SMC5: variants seen among roughly 807,000 people sequenced by gnomAD.
The protein encoded by SMC5 is structural maintenance of chromosomes protein 5.
In SMC5, 88 loss-of-function variants were observed where a neutral mutation model predicts 148.3. The ratio of observed to expected loss-of-function variants is 0.59; its 90% CI spans 0.50 to 0.71. SMC5 has a LOEUF of 0.71. Ranked by LOEUF, SMC5 falls within the 30% of genes least tolerant of loss-of-function variation. The probability of loss-of-function intolerance (pLI) is 0.00; values close to 1 mark genes in which losing one functional copy is unlikely to be tolerated. For synonymous variants in SMC5, 421 were observed against 432.8 expected (o/e 0.97, Z 0.34); for missense variants, 1,142 against 1,298.9 (o/e 0.88, Z 1.86).
chr9:70,315,481 T>C lies in SMC5; in HGVS notation c.1709T>C (p.Phe570Ser). 1 of 1,595,066 alleles carries C rather than the reference T, an allele frequency of 6.3e-7. No individual in the cohort carries two copies. The change falls in exon 13 of 25, where the codon TTT becomes TCT. Residue 570 changes from phenylalanine (F) to serine (S), a missense_variant. This residue lies in a region of SMC5 where 743 missense variants were observed against 835.7 expected (regional missense o/e 0.89). Transcript: ENST00000361138. ...YGFFSYLREL[F>S]DAPDPVMSYL... ...TTTTTCTCTTATTTGAGAGAATTAT[T>C]TGATGCACCTGATCCTGTAATGAGT...
chr9:70,323,701 G>T, intron 16 of SMC5, 95 bp downstream of exon 16: 1 of 1,341,736 alleles, frequency 7.5e-7, no homozygotes, highest in East Asian at 2.4e-5. Flanking sequence ...TTTGATTAAG[G>T]TTTTTGACAT....
At position 70,259,129 on chromosome 9, in the gene SMC5, G is replaced by T. The variant is rs2034009283; in HGVS notation, c.51G>T (p.Lys17Asn). 1 of 1,612,688 alleles carries T rather than the reference G, an allele frequency of 6.2e-7. No homozygotes were observed. The change falls in exon 1 of 25, where the codon AAG becomes AAT. Residue 17 changes from lysine to asparagine, a missense_variant. Transcript: ENST00000361138. ...KTSTPSPQPSKRALPRDPSSE... is the reference protein window; with the variant it reads ...KTSTPSPQPSNRALPRDPSSE... Reference sequence around the variant, plus strand: ...CAACTCCAAGCCCCCAGCCTTCCAAGAGAGCTCTCCCGAGAGACCCTTCGT... The same window carrying T: ...CAACTCCAAGCCCCCAGCCTTCCAATAGAGCTCTCCCGAGAGACCCTTCGT...
chr9:70,270,135 G>A (rs1244482347), intron 3 of SMC5, among the ~76,000 whole-genome samples: 1 of 152,136 alleles, frequency 6.6e-6, no homozygotes, highest in East Asian at 1.9e-4. Flanking sequence ...GTCTTAGGTT[G>A]TGCCCTGTAC....
Position 70,347,662 on chromosome 9 carries a change from A to G in SMC5, c.2714A>G (p.Glu905Gly), listed in dbSNP as rs1455874239. ...KREEEIEQLT[E>G]ELKGKKVELD... The stretch of plus-strand genomic sequence containing the variant: ...GAAGAAGAAATAGAACAGTTAACTG[A>G]GGAACTAAAGGGAAAGAAAGTTGAA... The change falls in exon 21 of 25, where the codon GAG becomes GGG. Residue 905 changes from glutamate (E) to glycine (G), a missense_variant. Around this residue, in one of 5 missense-constraint regions of SMC5, gnomAD observed 743 missense variants for 835.7 expected, o/e 0.89. Transcript: ENST00000361138. The G allele has an allele frequency of 2.5e-6, 4 of 1,587,314 alleles. No individual in the cohort carries two copies. Among genetic ancestry groups the G allele is most frequent in the East Asian group, 4.5e-5 (2 of 44,242 alleles).
In SMC5 at chr9:70,295,182, C is replaced by G. The variant is rs1050655518; in HGVS notation, c.1054-2784C>G. Among the ~76,000 whole-genome samples, 6 of 151,870 alleles carry G rather than the reference C, an allele frequency of 4.0e-5. No individual in the cohort carries two copies. The South Asian group carries it at 1.0e-3, about 26-fold the overall frequency. Reference sequence around the variant, plus strand: ...CATTAGAACAAGAAGAGGGAACATTCAGGCGGGGCGCGGTGGCTCACACCT... The same window carrying G: ...CATTAGAACAAGAAGAGGGAACATTGAGGCGGGGCGCGGTGGCTCACACCT... On this transcript the variant is annotated intron_variant, in intron 8 of 24. Transcript: ENST00000361138.
In SMC5 at chr9:70,286,225, A is replaced by G. The variant is rs200623827; in HGVS notation, c.1007A>G (p.Gln336Arg). 4.3e-4 allele frequency: 683 copies of G among 1,583,222 alleles called. 4 individuals are homozygous for G. The highest frequency in any genetic ancestry group is 3.9e-5 in the Non-Finnish European group (45 of 1,164,550). ...GCAACAGATATTAAGGAGGCATCTC[A>G]AAAATGCAAACAGAAGCAAGATGTT... The part of the protein sequence containing the change: ...EKATDIKEAS[Q>R]KCKQKQDVIE... Residue 336 changes from glutamine (Q) to arginine (R), a missense_variant, in exon 8 of 25, where the codon CAA becomes CGA. Around this residue, in one of 5 missense-constraint regions of SMC5, gnomAD observed 743 missense variants for 835.7 expected, o/e 0.89. Transcript: ENST00000361138.
rs776196254 is a variant in SMC5 at position 70,278,593 on chromosome 9, A to G, written c.646A>G (p.Lys216Glu). 6.2e-7 allele frequency: 1 copy of G among 1,610,276 alleles called. No individual in the cohort carries two copies. Among genetic ancestry groups the G allele is most frequent in the Non-Finnish European group, 8.5e-7 (1 of 1,178,740 alleles). ...AATGCACAAATATCACTGTGAACTC[A>G]AAAACTTAAGGGAGAAAGAAAAACA... ...PEMHKYHCEL[K>E]NLREKEKQLE... Residue 216 changes from lysine (K) to glutamate (E), a missense_variant, in exon 5 of 25, where the codon AAA becomes GAA. Around this residue, in one of 5 missense-constraint regions of SMC5, gnomAD observed 297 missense variants for 302.6 expected, o/e 0.98. Coordinates refer to ENST00000361138, the MANE Select transcript of SMC5 (RefSeq NM_015110.4).
At chr9:70,280,690 A>T in intron 5 of SMC5, 69 bp from the exon 6 acceptor site, 1 of 1,446,536 alleles carries the variant, frequency 6.9e-7, no homozygotes, top group Non-Finnish European at 9.4e-7. Context: ...TTTATTTTTC[A>T]TTGTTAAAAG....
intron 17 of SMC5, among the ~76,000 whole-genome samples, chr9:70,327,802 G>C (rs575780655): frequency 6.6e-6 from 1 of 152,168 alleles, no homozygotes; most frequent in African/African-American, 2.4e-5. Context: ...TGTGGAATAG[G>C]GTATCTCTTC....
intron 3 of SMC5, among the ~76,000 whole-genome samples, chr9:70,275,234 T>C (rs991772249): frequency 4.6e-5 from 7 of 152,076 alleles, no homozygotes; most frequent in African/African-American, 1.2e-4. Context: ...TGTTGTTTTG[T>C]TTTTGTTTTT....
intron 17 of SMC5, among the ~76,000 whole-genome samples, chr9:70,339,955 T>C (rs1004697296): frequency 6.6e-6 from 1 of 151,884 alleles, no homozygotes; most frequent in Non-Finnish European, 1.5e-5. Flanking sequence ...TTTCTTGTTA[T>C]TTCGTTTTTG....
At chr9:70,297,579 A>T (rs2035235558) in intron 8 of SMC5, among the ~76,000 whole-genome samples, 2 of 152,136 alleles carry the variant, frequency 1.3e-5, no homozygotes, top group African/African-American at 4.8e-5. Flanking sequence ...CTTTATTATC[A>T]TTTTTATTAT....
intron 11 of SMC5, among the ~76,000 whole-genome samples, chr9:70,313,115 G>T (rs2035702021): frequency 6.6e-6 from 1 of 151,848 alleles, no homozygotes; most frequent in African/African-American, 2.4e-5. Flanking sequence ...TTTAAATTTG[G>T]CAAATTGTGT....
intron 13 of SMC5, among the ~76,000 whole-genome samples, chr9:70,316,419 T>C (rs1479714648): frequency 1.3e-5 from 2 of 151,572 alleles, no homozygotes; most frequent in Non-Finnish European, 2.9e-5. Context: ...AAATGAGAGC[T>C]CATTACCAAC....
intron 10 of SMC5, among the ~76,000 whole-genome samples, chr9:70,301,283 C>T (rs375485718): frequency 6.6e-6 from 1 of 152,146 alleles, no homozygotes; most frequent in Non-Finnish European, 1.5e-5. Flanking sequence ...AGATTTGTCT[C>T]CTCTTGTCAT....
At chr9:70,278,681 A>C in intron 5 of SMC5, 56 bp downstream of exon 5, 1 of 1,514,684 alleles carries the variant, frequency 6.6e-7, no homozygotes, top group East Asian at 2.3e-5. Context: ...TGTATCTCAG[A>C]ACATGGGAGA....
At chr9:70,268,715 A>G (rs1162944857) in intron 3 of SMC5, among the ~76,000 whole-genome samples, 1 of 152,134 alleles carries the variant, frequency 6.6e-6, no homozygotes, top group Non-Finnish European at 1.5e-5. Context: ...ATCATTCCTA[A>G]TTCTATAAAT....
At chr9:70,312,285 A>C (rs1564052355) in intron 11 of SMC5, among the ~76,000 whole-genome samples, 1 of 152,160 alleles carries the variant, frequency 6.6e-6, no homozygotes, top group African/African-American at 2.4e-5. Flanking sequence ...ACATGGCAGC[A>C]GGAGAGAGAG....
In SMC5 at chr9:70,264,397, T is replaced by G; in HGVS notation, c.279T>G (p.Ile93Met). ...GTGKSSIVCA[I>M]CLGLAGKPAF... ...GGAAGTCGAGCATTGTGTGTGCCAT[T>G]TGCCTTGGTTTAGCTGGAAAACCTG... The change falls in exon 2 of 25, where the codon ATT (isoleucine) becomes ATG (methionine). Residue 93 changes from isoleucine (I) to methionine (M), a missense_variant. Ile to Met is a conservative substitution (Grantham distance 10). Coordinates refer to ENST00000361138, the MANE Select transcript of SMC5 (RefSeq NM_015110.4). 6.2e-7 allele frequency: 1 copy of G among 1,614,090 alleles called. No individual in the cohort carries two copies. The highest frequency in any genetic ancestry group is 2.2e-5 in the East Asian group (1 of 44,866).
Sources: gnomAD v4.1 joint callset for allele counts (sites outside exome capture counted in the v4.1 genomes callset) on GRCh38, gnomAD v4.1.1 for gene constraint, gnomAD v4.1.1 regional missense constraint, MANE v1.5 for transcripts, NCBI Gene and HGNC (gene_info 2026-07-23, HGNC 2026-07-21) for gene names.